The following SLC4A4 variants were observed in gnomAD, a reference collection of about 807,000 sequenced individuals.
SLC4A4 encodes the protein solute carrier family 4 member 4.
In SLC4A4, 27 loss-of-function variants were observed where a neutral mutation model predicts 111.5. The observed-to-expected ratio is 0.24, with a 90% CI of 0.18 to 0.33. The LOEUF (loss-of-function observed/expected upper bound fraction) is 0.33. SLC4A4 is among the 10% of genes least tolerant of loss of function. SLC4A4 has a pLI of 1.00. For missense variants in SLC4A4, 909 were observed against 1,315.5 expected (o/e 0.69, Z 4.78); for synonymous variants, 443 against 463.4 (o/e 0.96, Z 0.57).
intron 2 of SLC4A4, among the ~76,000 whole-genome samples, chr4:71,254,453 T>C (rs1487352951): frequency 6.6e-6 from 1 of 152,124 alleles, no homozygotes; most frequent in African/African-American, 2.4e-5. Context: ...CTGGGCTCGG[T>C]TTATTTTTAT....
chr4:71,118,149 T>G (rs1170660012), intron 2 of SLC4A4, among the ~76,000 whole-genome samples: 1 of 152,218 alleles, frequency 6.6e-6, no homozygotes, highest in African/African-American at 2.4e-5. Flanking sequence ...AGTGCTGGGA[T>G]TACAGACATG....
intron 24 of SLC4A4, among the ~76,000 whole-genome samples, chr4:71,566,466 C>T (rs981543576): frequency 1.8e-4 from 27 of 151,756 alleles, no homozygotes; most frequent in Admixed American, 5.3e-4. Context: ...CTCTCAAAAC[C>T]CCTTTTAAAG....
intron 6 of SLC4A4, among the ~76,000 whole-genome samples, chr4:71,395,460 T>C (rs1719736352): frequency 6.6e-6 from 1 of 152,178 alleles, no homozygotes; most frequent in Non-Finnish European, 1.5e-5. Flanking sequence ...GGTTCCTGCA[T>C]TTTTCTTGGA....
chr4:71,444,807 C>T (rs1044746175), intron 8 of SLC4A4, among the ~76,000 whole-genome samples: 2 of 152,216 alleles, frequency 1.3e-5, no homozygotes, highest in African/African-American at 2.4e-5. Context: ...AGATTAGAAG[C>T]TTCTTAAAGG....
intron 3 of SLC4A4, chr4:71,339,099 G>T (rs1728672603): frequency 6.3e-7 from 1 of 1,599,304 alleles, no homozygotes. Context: ...GAGGGCTAAA[G>T]GTTCTTTGTG....
At chr4:71,300,991 A>G in intron 3 of SLC4A4, 1 of 471,732 alleles carries the variant, frequency 2.1e-6, no homozygotes, top group Admixed American at 2.3e-5. Flanking sequence ...GCTTAGTGCC[A>G]GAGTGGGGGC....
chr4:71,423,082 G>T (rs1170374293), intron 7 of SLC4A4, among the ~76,000 whole-genome samples: 1 of 152,128 alleles, frequency 6.6e-6, no homozygotes, highest in Non-Finnish European at 1.5e-5. Context: ...TGTATATCTA[G>T]AAAACCCCAT....
chr4:71,491,865 A>G (rs1729952374), intron 15 of SLC4A4, among the ~76,000 whole-genome samples: 1 of 151,762 alleles, frequency 6.6e-6, no homozygotes, highest in African/African-American at 2.4e-5. Context: ...TGGTGGTTAT[A>G]CATTCATTTT....
intron 3 of SLC4A4, among the ~76,000 whole-genome samples, chr4:71,299,472 G>A (rs1016934210): frequency 1.3e-5 from 2 of 152,154 alleles, no homozygotes; most frequent in African/African-American, 4.8e-5. Flanking sequence ...GCCTGGACAG[G>A]ACCCAGAATA....
intron 1 of SLC4A4, among the ~76,000 whole-genome samples, chr4:71,212,907 A>G (rs913017565): frequency 2.0e-5 from 3 of 152,230 alleles, no homozygotes; most frequent in African/African-American, 7.2e-5. Flanking sequence ...CATATATGAC[A>G]GCAGTCCCAT....
intron 1 of SLC4A4, among the ~76,000 whole-genome samples, chr4:71,219,348 G>GAAC (rs1278178038): frequency 2.6e-5 from 4 of 152,158 alleles, no homozygotes; most frequent in African/African-American, 9.7e-5. Flanking sequence ...TCTGAAGATG[G>GAAC]AACAGCACAG....
At chr4:71,494,037 A>G (rs72650376) in intron 15 of SLC4A4, among the ~76,000 whole-genome samples, 3,379 of 151,400 alleles carry the variant, frequency 0.022, 63 homozygotes, top group Middle Eastern at 0.085. Flanking sequence ...TTTCCTGCAC[A>G]TTTTTCCCTT....
intron 3 of SLC4A4, among the ~76,000 whole-genome samples, chr4:71,306,881 G>T (rs1725733659): frequency 6.6e-6 from 1 of 152,118 alleles, no homozygotes; most frequent in Non-Finnish European, 1.5e-5. Context: ...TTAAAGAATG[G>T]ATCATAAGGT....
chr4:71,518,702 G>A (rs1327438805), intron 16 of SLC4A4, among the ~76,000 whole-genome samples: 2 of 152,098 alleles, frequency 1.3e-5, no homozygotes, highest in Non-Finnish European at 2.9e-5. Context: ...GGTTACCCTG[G>A]ACCTGGGGCT....
At chr4:71,418,800 A>G in intron 7 of SLC4A4, among the ~76,000 whole-genome samples, 1 of 152,202 alleles carries the variant, frequency 6.6e-6, no homozygotes, top group East Asian at 1.9e-4. Flanking sequence ...ACTTTTTCCT[A>G]TGTAGTCTTA....
intron 2 of SLC4A4, among the ~76,000 whole-genome samples, chr4:71,120,692 A>AC (rs1228890663): frequency 2.0e-5 from 3 of 152,130 alleles, no homozygotes; most frequent in Non-Finnish European, 4.4e-5. Flanking sequence ...ACATGGTGAA[A>AC]CCCCATCTCT....
chr4:71,419,181 A>C (rs1560490080), intron 7 of SLC4A4, among the ~76,000 whole-genome samples: 1 of 152,220 alleles, frequency 6.6e-6, no homozygotes, highest in African/African-American at 2.4e-5. Flanking sequence ...GCCCGTTCTC[A>C]GATCTCCAGC....
chr4:71,176,480 T>C (rs778118475), intron 2 of SLC4A4, among the ~76,000 whole-genome samples: 1 of 152,074 alleles, frequency 6.6e-6, no homozygotes, highest in Non-Finnish European at 1.5e-5. Flanking sequence ...AGAGAAGTCC[T>C]TAAAAGACCT....
At chr4:71,273,875 T>C (rs373604622) in intron 3 of SLC4A4, among the ~76,000 whole-genome samples, 2 of 152,196 alleles carry the variant, frequency 1.3e-5, no homozygotes, top group East Asian at 1.9e-4. Context: ...AAAATGGTGG[T>C]AATACTGTCT....
Sources: allele counts gnomAD v4.1 joint callset (sites outside exome capture counted in the v4.1 genomes callset), GRCh38; gene constraint gnomAD v4.1.1; transcripts MANE v1.5; gene names NCBI Gene and HGNC (gene_info 2026-07-23, HGNC 2026-07-21).